Variants in EGFLAM observed in about 807,000 individuals in gnomAD.
The protein encoded by EGFLAM is EGF like, fibronectin type III and laminin G domains.
EGFLAM carries 79 observed loss-of-function variants against 113.1 expected under a neutral mutation model. The observed-to-expected ratio is 0.70, with a 90% CI of 0.58 to 0.84. The LOEUF is 0.84. Among genes scored for constraint, EGFLAM ranks in the 40% least tolerant of loss-of-function variants. The probability of loss-of-function intolerance (pLI) is 0.00; values close to 1 mark genes in which losing one functional copy is unlikely to be tolerated. For synonymous variants in EGFLAM, 504 were observed against 487.6 expected (o/e 1.03, Z -0.44); for missense variants, 1,265 against 1,291.6 (o/e 0.98, Z 0.32).
chr5:38,368,495 G>C (rs940875299), intron 5 of EGFLAM, among the ~76,000 whole-genome samples: 6 of 152,122 alleles, frequency 3.9e-5, no homozygotes, highest in African/African-American at 1.4e-4. Context: ...ATGAAAAACT[G>C]GGCGAGCTCA....
intron 17 of EGFLAM, among the ~76,000 whole-genome samples, chr5:38,441,115 A>G (rs1335613115): frequency 6.6e-6 from 1 of 152,092 alleles, no homozygotes; most frequent in African/African-American, 2.4e-5. Flanking sequence ...CAAGGGGTGC[A>G]CTGAGCTCCC....
intron 6 of EGFLAM, chr5:38,403,855 C>T (rs368778812): frequency 5.3e-5 from 86 of 1,613,692 alleles, no homozygotes; most frequent in Non-Finnish European, 7.0e-5. Flanking sequence ...CACACAGATA[C>T]GCTGCATGCA....
intron 1 of EGFLAM, among the ~76,000 whole-genome samples, chr5:38,304,487 G>T (rs1440412583): frequency 6.6e-6 from 1 of 152,166 alleles, no homozygotes; most frequent in African/African-American, 2.4e-5. Context: ...CTTCTTCCCT[G>T]CTCAGTTCCC....
At chr5:38,388,483 G>A (rs920333840) in intron 6 of EGFLAM, among the ~76,000 whole-genome samples, 14 of 152,038 alleles carry the variant, frequency 9.2e-5, no homozygotes, top group African/African-American at 3.1e-4. Flanking sequence ...GTTAGCTGGT[G>A]CCTGTAATCC....
intron 1 of EGFLAM, among the ~76,000 whole-genome samples, chr5:38,259,292 A>G (rs1449771676): frequency 1.3e-5 from 2 of 152,062 alleles, no homozygotes; most frequent in Admixed American, 1.3e-4. Flanking sequence ...CCCTCTGCCC[A>G]TCTCGGGTCC....
At chr5:38,399,890 A>G (rs756755310) in intron 6 of EGFLAM, 4 of 152,228 alleles carry the variant, frequency 2.6e-5, no homozygotes, top group Non-Finnish European at 4.4e-5. Flanking sequence ...TACAATCCCA[A>G]AGCATGTGAC....
chr5:38,429,829 T>C (rs1484710952), intron 14 of EGFLAM: 2 of 152,476 alleles, frequency 1.3e-5, no homozygotes, highest in African/African-American at 2.4e-5. Flanking sequence ...TAGCCATTAT[T>C]ATATCTGTCC....
chr5:38,299,063 C>A (rs1758512962), intron 1 of EGFLAM, among the ~76,000 whole-genome samples: 2 of 152,134 alleles, frequency 1.3e-5, no homozygotes, highest in African/African-American at 4.8e-5. Flanking sequence ...AAAGCTGGGG[C>A]ACAGAAAGAT....
At chr5:38,358,304 G>A (rs112326560) in intron 5 of EGFLAM, among the ~76,000 whole-genome samples, 18,110 of 151,200 alleles carry the variant, frequency 0.12, 1,209 homozygotes, top group African/African-American at 0.19. Flanking sequence ...AAAGTTGGCC[G>A]GGCGAGGTGG....
At chr5:38,377,918 C>A (rs1170225652) in intron 6 of EGFLAM, among the ~76,000 whole-genome samples, 1 of 152,202 alleles carries the variant, frequency 6.6e-6, no homozygotes, top group Non-Finnish European at 1.5e-5. Flanking sequence ...TGGGTTCTTA[C>A]TTGATCATTA....
intron 20 of EGFLAM, among the ~76,000 whole-genome samples, chr5:38,459,342 C>T (rs534026347): frequency 3.0e-4 from 45 of 152,014 alleles, no homozygotes; most frequent in Admixed American, 2.7e-3. Flanking sequence ...AACCTTAGAA[C>T]CTGACTGTAT....
chr5:38,428,746 G>A (rs1036353787), intron 14 of EGFLAM, among the ~76,000 whole-genome samples: 6 of 152,192 alleles, frequency 3.9e-5, no homozygotes, highest in African/African-American at 1.4e-4. Flanking sequence ...ACCCTTAGAA[G>A]TCCAGCATTT....
rs114862090 is a variant in EGFLAM at position 38,438,582 on chromosome 5, A to G, written c.2464+127A>G. On this transcript the variant is annotated intron_variant, in intron 17 of 21. Transcript: ENST00000322350. Reference sequence around the variant, plus strand: ...ACAACCATAGTGGTTATTTTGATCAATTATTTCAATAACTTATTAGATGAT... The same window carrying G: ...ACAACCATAGTGGTTATTTTGATCAGTTATTTCAATAACTTATTAGATGAT... 1.8e-3 allele frequency: 1,604 copies of G among 898,994 alleles called. 24 individuals are homozygous for G. The African/African-American group carries it at 0.025, about 14-fold the overall frequency. The allele number at this position is 898,994 out of a possible 1,614,324, so 55.7% of individuals were successfully genotyped here.
At chr5:38,329,294 TAA>T (rs1561280418) in intron 1 of EGFLAM, among the ~76,000 whole-genome samples, 4 of 926 alleles carry the variant, frequency 4.3e-3, no homozygotes, top group Non-Finnish European at 0.019. Context: ...ATCTCAAAGA[TAA>T]ATAAATAAAT....
intron 1 of EGFLAM, among the ~76,000 whole-genome samples, chr5:38,317,309 G>A (rs536164721): frequency 2.0e-5 from 3 of 152,260 alleles, no homozygotes; most frequent in African/African-American, 7.2e-5. Flanking sequence ...TGTTGAGACC[G>A]AAACTGCCCA....
At chr5:38,422,014 G>A (rs1741840551) in intron 12 of EGFLAM, among the ~76,000 whole-genome samples, 1 of 152,128 alleles carries the variant, frequency 6.6e-6, no homozygotes, top group Admixed American at 6.5e-5. Flanking sequence ...GGTGGTGGTG[G>A]TGGTAGAAAC....
intron 14 of EGFLAM, 59 bp from the exon 15 acceptor site, chr5:38,431,118 G>A: frequency 6.9e-7 from 1 of 1,450,816 alleles, no homozygotes; most frequent in South Asian, 1.2e-5. Context: ...AGCTATCTGG[G>A]CATTCCTTAT....
intron 1 of EGFLAM, among the ~76,000 whole-genome samples, chr5:38,332,872 G>A (rs182182139): frequency 1.2e-4 from 18 of 152,270 alleles, no homozygotes; most frequent in Admixed American, 3.9e-4. Flanking sequence ...TTCAGTGTGC[G>A]CGTCATAGCC....
intron 5 of EGFLAM, among the ~76,000 whole-genome samples, 198 bp downstream of exon 5, chr5:38,352,529 C>T (rs56399519): frequency 6.6e-6 from 1 of 151,950 alleles, no homozygotes; most frequent in South Asian, 2.1e-4. Flanking sequence ...TGCCTGTAGT[C>T]TCAGCTACTC....
Sources: gnomAD v4.1 joint callset for allele counts (sites outside exome capture counted in the v4.1 genomes callset) on GRCh38, gnomAD v4.1.1 for gene constraint, MANE v1.5 for transcripts, NCBI Gene and HGNC (gene_info 2026-07-23, HGNC 2026-07-21) for gene names.